The following FHOD1 variants were observed in gnomAD, a reference collection of about 807,000 sequenced individuals.
FHOD1 encodes the protein formin homology 2 domain containing 1.
FHOD1 carries 89 observed loss-of-function variants against 111.6 expected under a neutral mutation model. That is an observed-to-expected ratio of 0.80 (90% confidence interval 0.67 to 0.95). FHOD1 has a LOEUF of 0.95. Among genes scored for constraint, FHOD1 ranks in the 40% least tolerant of loss-of-function variants. The pLI is 0.00. For missense variants in FHOD1, 1,446 were observed against 1,554.2 expected (o/e 0.93, Z 1.17); for synonymous variants, 618 against 639.0 (o/e 0.97, Z 0.50).
Position 67,237,173 on chromosome 16 carries a change from G to A in FHOD1, c.994-59C>T. On this transcript the variant is annotated intron_variant, in intron 9 of 21. Coordinates refer to ENST00000258201, the MANE Select transcript of FHOD1 (RefSeq NM_013241.3). The surrounding 1 kb of genome is among the most constrained non-coding windows in gnomAD (Gnocchi z 5.6). ...TTAACGTGTATGCAGGTGGGGTGGG[G>A]CGCTGGGGACTGCGCTTCTCTCTTC... is the stretch of plus-strand genomic sequence containing the variant. 6.2e-7 allele frequency: 1 copy of A among 1,602,414 alleles called. No individual in the cohort carries two copies. The highest frequency in any genetic ancestry group is 8.5e-7 in the Non-Finnish European group (1 of 1,172,318).
In FHOD1 at chr16:67,247,075, C is replaced by T. The variant is rs2034879258; in HGVS notation, c.201+135G>A. Reference sequence around the variant, plus strand: ...CCCCCGCAGGCGGGGCAGAGTGGACCCTGGGACCCCAGCCCAAGACTTTTC... The same window carrying T: ...CCCCCGCAGGCGGGGCAGAGTGGACTCTGGGACCCCAGCCCAAGACTTTTC... On this transcript the variant is annotated intron_variant, in intron 1 of 21. Transcript: ENST00000258201. 5.7e-6 allele frequency: 6 copies of T among 1,056,910 alleles called. No individual in the cohort carries two copies. The South Asian group carries it at 1.0e-4, about 18-fold the overall frequency. 65.5% of individuals were successfully genotyped at this position (1,056,910 alleles called of 1,614,324 possible). A position where few individuals can be genotyped will look rare whatever the true frequency, so the allele number is the denominator to read the frequency against.
intron 13 of FHOD1, among the ~76,000 whole-genome samples, 153 bp from the exon 14 acceptor site, chr16:67,232,347 C>T (rs1229737718): frequency 6.6e-6 from 1 of 151,994 alleles, no homozygotes; most frequent in East Asian, 1.9e-4. Flanking sequence ...GAAACCCCAT[C>T]TCTACTAAAA....
chr16:67,244,122 G>T (rs2034743201), intron 1 of FHOD1, among the ~76,000 whole-genome samples: 1 of 152,178 alleles, frequency 6.6e-6, no homozygotes, highest in African/African-American at 2.4e-5. Context: ...GTAATGACCA[G>T]ATTTCTAGGG....
chr16:67,237,309 G>C lies in FHOD1; in HGVS notation c.923C>G (p.Ala308Gly). 1 of 1,614,006 alleles carries C rather than the reference G, an allele frequency of 6.2e-7. No homozygotes were observed. The highest frequency in any genetic ancestry group is 8.5e-7 in the Non-Finnish European group (1 of 1,180,028). Reference sequence around the variant, plus strand: ...AGTGCCCAGGTGGCGCTGGACCAGCGCTTCCATGCCCTGCTGCTCCAGTGC... The same window carrying C: ...AGTGCCCAGGTGGCGCTGGACCAGCCCTTCCATGCCCTGCTGCTCCAGTGC... Reference protein sequence around the residue: ...TDALEQQGMEALVQRHLGTAG... With the variant: ...TDALEQQGMEGLVQRHLGTAG... Residue 308 changes from alanine (A) to glycine (G), a missense_variant, in exon 9 of 22, where the codon GCG (alanine) becomes GGG (glycine). This residue lies in a region of FHOD1 where 234 missense variants were observed against 327.4 expected (regional missense o/e 0.71). Coordinates refer to ENST00000258201, the MANE Select transcript of FHOD1 (RefSeq NM_013241.3). The surrounding 1 kb of genome is among the most constrained non-coding windows in gnomAD (Gnocchi z 5.6).
Position 67,236,628 on chromosome 16 carries a change from A to G in FHOD1, c.1248T>C (p.Ala416=). ...SPVGPPSGLQ[A]SVNLFPTISV... The stretch of plus-strand genomic sequence containing the variant: ...AGATGGTAGGAAAAAGGTTCACTGA[A>G]GCTTGGAGACCGGAGGGAGGGCCCA... The change falls in exon 11 of 22, where the codon GCT becomes GCC. Residue 416 remains alanine (A), a synonymous_variant. Coordinates refer to ENST00000258201, the MANE Select transcript of FHOD1 (RefSeq NM_013241.3). The G allele has an allele frequency of 1.9e-6, 3 of 1,613,476 alleles. No individual in the cohort carries two copies. The highest frequency in any genetic ancestry group is 2.5e-6 in the Non-Finnish European group (3 of 1,179,808).
chr16:67,231,455 A>G lies in FHOD1; in HGVS notation c.2480T>C (p.Val827Ala). ...CTGGGAGCCATTGAGGAAGTTGCCCACCGCTAGGAGGGTAGCCAGGATGCA... is the reference window on the plus strand; with the variant it reads ...CTGGGAGCCATTGAGGAAGTTGCCCGCCGCTAGGAGGGTAGCCAGGATGCA... ...FRCILATLLA[V>A]GNFLNGSQSS... Residue 827 changes from valine (V) to alanine (A), a missense_variant, in exon 16 of 22, where the codon GTG becomes GCG. Around this residue, in one of 3 missense-constraint regions of FHOD1, gnomAD observed 1,085 missense variants for 1,108.8 expected, o/e 0.98. Transcript: ENST00000258201. This position sits in a 1 kb window ranked among gnomAD's most constrained non-coding sequence, Gnocchi z 4.3. 6.2e-7 allele frequency: 1 copy of G among 1,614,140 alleles called. No individual in the cohort carries two copies. Among genetic ancestry groups the G allele is most frequent in the East Asian group, 2.2e-5 (1 of 44,886 alleles).
At position 67,230,339 on chromosome 16, in the gene FHOD1, T is replaced by C; in HGVS notation, c.3026A>G (p.Lys1009Arg). The change falls in exon 19 of 22, where the codon AAG (lysine) becomes AGG (arginine). Residue 1009 changes from lysine to arginine, a missense_variant. Transcript: ENST00000258201. ...CTCGGTGATCATGCGTCCCCGGGTCTTGTTGCGCTCACGGTATGTGGCCTG... is the reference window on the plus strand; with the variant it reads ...CTCGGTGATCATGCGTCCCCGGGTCCTGTTGCGCTCACGGTATGTGGCCTG... ...QKQATYRERN[K>R]TRGRMITETE... is the part of the protein sequence containing the mutation. 1 of 1,614,244 alleles carries C rather than the reference T, an allele frequency of 6.2e-7. No homozygotes were observed. Among genetic ancestry groups the C allele is most frequent in the Non-Finnish European group, 8.5e-7 (1 of 1,180,028 alleles).
intron 1 of FHOD1, among the ~76,000 whole-genome samples, chr16:67,241,229 G>A (rs774393888): frequency 6.6e-6 from 1 of 151,744 alleles, no homozygotes; most frequent in African/African-American, 2.4e-5. Flanking sequence ...CCTTGGGCAG[G>A]CCTGGCCACT....
intron 13 of FHOD1, among the ~76,000 whole-genome samples, chr16:67,233,330 C>A (rs1414263021): frequency 3.3e-5 from 5 of 152,156 alleles, no homozygotes; most frequent in Non-Finnish European, 5.9e-5. Flanking sequence ...AAATGATCCA[C>A]CTGCCTCGGC....
Position 67,238,250 on chromosome 16 carries a change from G to A in FHOD1, c.499C>T (p.Arg167Cys), listed in dbSNP as rs768012015. 4.3e-5 allele frequency: 70 copies of A among 1,614,034 alleles called. No individual in the cohort carries two copies. Among genetic ancestry groups the A allele is most frequent in the Middle Eastern group, 3.3e-4 (2 of 6,084 alleles). The change falls in exon 5 of 22, where the codon CGT becomes TGT. Residue 167 changes from arginine (R) to cysteine (C), a missense_variant. By Grantham distance (180) the Arg-to-Cys change is radical (BLOSUM62 -3). Around this residue, in one of 3 missense-constraint regions of FHOD1, gnomAD observed 234 missense variants for 327.4 expected, o/e 0.71. Transcript: ENST00000258201. The surrounding 1 kb of genome is among the most constrained non-coding windows in gnomAD (Gnocchi z 4.2). The stretch of plus-strand genomic sequence containing the variant: ...TTGTGGTCGGCAGCAGCACCCACAC[G>A]GATCAGGCAGCTCAGCCCCTCTGAA... ...VHSEGLSCLI[R>C]VGAAADHNYQ...
intron 11 of FHOD1, chr16:67,236,027 C>T (rs1465673357): frequency 2.0e-6 from 2 of 984,760 alleles, no homozygotes; most frequent in African/African-American, 3.5e-5. Context: ...CCAGCCTGGC[C>T]TGCCCAGGAG....
At position 67,229,405 on chromosome 16, in the gene FHOD1, A is replaced by G. The variant is rs1215747356; in HGVS notation, c.*231T>C. The G allele has an allele frequency of 3.4e-6, 2 of 595,028 alleles. No individual in the cohort carries two copies. Among genetic ancestry groups the G allele is most frequent in the African/African-American group, 3.7e-5 (2 of 53,772 alleles). 36.9% of individuals were successfully genotyped at this position (595,028 alleles called of 1,614,324 possible). ...AGAAACCTGTTGGATTAGCTAAGAAAATTTTATTTTGCTCCGTGCGTTCAA... is the reference window on the plus strand; with the variant it reads ...AGAAACCTGTTGGATTAGCTAAGAAGATTTTATTTTGCTCCGTGCGTTCAA... On this transcript the variant is annotated 3_prime_UTR_variant, in exon 22 of 22. Coordinates refer to ENST00000258201, the MANE Select transcript of FHOD1 (RefSeq NM_013241.3).
rs1307217835 is a variant in FHOD1 at position 67,229,475 on chromosome 16, T to A, written c.*161A>T. On this transcript the variant is annotated 3_prime_UTR_variant, in exon 22 of 22. Coordinates refer to ENST00000258201, the MANE Select transcript of FHOD1 (RefSeq NM_013241.3). ...ATGCATATGCATGCACACACACACA[T>A]ACACACACACTCACATGCATACACA... 4 of 669,360 alleles carry A rather than the reference T, an allele frequency of 6.0e-6. No individual in the cohort carries two copies. The highest frequency in any genetic ancestry group is 1.1e-5 in the Non-Finnish European group (4 of 369,200). 41.5% of individuals were successfully genotyped at this position (669,360 alleles called of 1,614,324 possible).
rs769504134 is a variant in FHOD1 at position 67,238,122 on chromosome 16, C to T, written c.554G>A (p.Gly185Asp). The change falls in exon 6 of 22, where the codon GGC (glycine) becomes GAC (aspartate). Residue 185 changes from glycine (G) to aspartate (D), a missense_variant. Gly to Asp is a moderately conservative substitution (Grantham distance 94). Coordinates refer to ENST00000258201, the MANE Select transcript of FHOD1 (RefSeq NM_013241.3). The surrounding 1 kb of genome is among the most constrained non-coding windows in gnomAD (Gnocchi z 4.2). ...TCCATCCACAAAGAGCATCAGCTGG[C>T]CGAGCGCTGGGGAAACAGGGATGGG... Reference protein sequence around the residue: ...NYQSYILRALGQLMLFVDGML... With the variant: ...NYQSYILRALDQLMLFVDGML... The T allele has an allele frequency of 5.0e-6, 8 of 1,614,046 alleles. No homozygotes were observed. The highest frequency in any genetic ancestry group is 6.8e-6 in the Non-Finnish European group (8 of 1,180,028).
chr16:67,230,396 C>CA lies in FHOD1; in HGVS notation c.2968dup (p.Cys990LeufsTer17), dbSNP rs2034210888. 6.2e-7 allele frequency: 1 copy of CA among 1,614,126 alleles called. No homozygotes were observed. The highest frequency in any genetic ancestry group is 8.5e-7 in the Non-Finnish European group (1 of 1,180,052). On this transcript the variant is annotated frameshift_variant, in exon 19 of 22. Coordinates refer to ENST00000258201, the MANE Select transcript of FHOD1 (RefSeq NM_013241.3). LOFTEE classifies it high-confidence loss of function. ...CTGCTGCTGTAGCACTCGTTCCCGGCAAGTCCGATACTCAAGCGCAAATTC... is the reference window on the plus strand; with the variant it reads ...CTGCTGCTGTAGCACTCGTTCCCGGCAAAGTCCGATACTCAAGCGCAAATTC...
At chr16:67,229,746 G>T (rs768077398) in intron 21 of FHOD1, 28 bp from the exon 22 acceptor site, 1 of 1,614,038 alleles carries the variant, frequency 6.2e-7, no homozygotes. Context: ...GGTTGGAGGG[G>T]GTTGATGGGG....
chr16:67,238,596 G>A lies in FHOD1; in HGVS notation c.374-149C>T, dbSNP rs954558058. The A allele has an allele frequency of 7.4e-6, 6 of 806,518 alleles. No individual in the cohort carries two copies. Among genetic ancestry groups the A allele is most frequent in the African/African-American group, 5.1e-5 (3 of 58,996 alleles). 50.0% of individuals were successfully genotyped at this position (806,518 alleles called of 1,614,324 possible). A position where few individuals can be genotyped will look rare whatever the true frequency, so the allele number is the denominator to read the frequency against. ...GTCTCACTCTGTCACTCAGGCTGGA[G>A]TGTGGAGTGCAGTGGCACAGTCATA... On this transcript the variant is annotated intron_variant, in intron 3 of 21. Coordinates refer to ENST00000258201, the MANE Select transcript of FHOD1 (RefSeq NM_013241.3). This position sits in a 1 kb window ranked among gnomAD's most constrained non-coding sequence, Gnocchi z 4.2.
At chr16:67,236,864 T>C in intron 10 of FHOD1, 102 bp downstream of exon 10, 3 of 1,394,726 alleles carry the variant, frequency 2.2e-6, no homozygotes, top group Non-Finnish European at 2.9e-6. Context: ...GTGGGGGCTG[T>C]CTGTGGGGCG....
In FHOD1 at chr16:67,230,918, C is replaced by T. The variant is rs1206519829; in HGVS notation, c.2668-127G>A. 101 of 1,058,448 alleles carry T rather than the reference C, an allele frequency of 9.5e-5. No homozygotes were observed. In the Admixed American group the frequency reaches 2.5e-3, roughly 26 times the overall value. 65.6% of individuals were successfully genotyped at this position (1,058,448 alleles called of 1,614,324 possible). On this transcript the variant is annotated intron_variant, in intron 17 of 21. Coordinates refer to ENST00000258201, the MANE Select transcript of FHOD1 (RefSeq NM_013241.3). ...GACACAGACATCCAAATCTCATAGA[C>T]TAGTGCAAGAGACACAAGTCCATCT...
Sources: gnomAD v4.1 joint callset for allele counts (sites outside exome capture counted in the v4.1 genomes callset) on GRCh38, gnomAD v4.1.1 for gene constraint, gnomAD v4.1.1 regional missense constraint, Gnocchi (gnomAD v3.1) non-coding constraint, MANE v1.5 for transcripts, NCBI Gene and HGNC (gene_info 2026-07-23, HGNC 2026-07-21) for gene names.